The following HMCN2 variants were observed in gnomAD, a reference collection of about 807,000 sequenced individuals.
HMCN2 encodes the protein hemicentin-2.
HMCN2 carries 325 observed loss-of-function variants against 377.5 expected under a neutral mutation model. That is an observed-to-expected ratio of 0.86 (90% CI 0.79 to 0.94). HMCN2 has a LOEUF of 0.94. Among genes scored for constraint, HMCN2 ranks in the 40% least tolerant of loss-of-function variants. The pLI is 0.00. For missense variants in HMCN2, 4,543 were observed against 4,725.3 expected, an observed-to-expected ratio of 0.96 and a Z score of 1.13; for synonymous variants, 2,007 against 2,046.8, an observed-to-expected ratio of 0.98 and a Z score of 0.53.
chr9:130,432,292 A>G, intron 96 of HMCN2, 137 bp from the exon 97 acceptor site: 2 of 777,158 alleles, frequency 2.6e-6, no homozygotes, highest in South Asian at 3.4e-5. Context: ...GTCATGGGTC[A>G]GACTGGCTGG....
Position 130,369,482 on chromosome 9 carries a change from G to C in HMCN2, c.6788-88G>C, listed in dbSNP as rs977352159. 117 of 735,130 alleles carry C rather than the reference G, an allele frequency of 1.6e-4. No homozygotes were observed. Among genetic ancestry groups the C allele is most frequent in the Non-Finnish European group, 1.8e-4 (110 of 601,238 alleles). 45.5% of individuals were successfully genotyped at this position (735,130 alleles called of 1,614,324 possible). A position where few individuals can be genotyped will look rare whatever the true frequency, so the allele number is the denominator to read the frequency against. On this transcript the variant is annotated intron_variant, in intron 44 of 97. Transcript: ENST00000683500. The surrounding 1 kb of genome is among the most constrained non-coding windows in gnomAD (Gnocchi z 4.5). ...ACAGCCAGCGATGGCAAGGGGAGAG[G>C]GTGTGTCCCTATTGGGCCCGGGGTA...
At chr9:130,390,943 G>A (rs1309502982) in intron 62 of HMCN2, 34 bp from the exon 63 acceptor site, 2 of 985,874 alleles carry the variant, frequency 2.0e-6, no homozygotes, top group African/African-American at 3.5e-5. Flanking sequence ...ACAAGAAGGG[G>A]CTGGGGGATT....
chr9:130,357,597 G>A (rs565526899), intron 34 of HMCN2, among the ~76,000 whole-genome samples: 3 of 152,152 alleles, frequency 2.0e-5, no homozygotes, highest in African/African-American at 7.2e-5. Flanking sequence ...AGATGCATGG[G>A]TGCACAGATG....
Position 130,400,814 on chromosome 9 carries a change from C to T in HMCN2, c.11637C>T (p.Asp3879=), listed in dbSNP as rs905446536. 40 of 1,288,918 alleles carry T rather than the reference C, an allele frequency of 3.1e-5. No individual in the cohort carries two copies. The highest frequency in any genetic ancestry group is 3.6e-5 in the Non-Finnish European group (36 of 988,542). The allele number at this position is 1,288,918 out of a possible 1,614,324, so 79.8% of individuals were successfully genotyped here. ...VPPTIADDQT[D]FTVTMMAPVV... ...CCACCATTGCCGATGACCAGACAGA[C>T]TTCACCGTGACCATGATGGCACCTG... The change falls in exon 77 of 98, where the codon GAC becomes GAT. Residue 3879 remains aspartate (D), a synonymous_variant. Coordinates refer to ENST00000683500, the MANE Select transcript of HMCN2 (RefSeq NM_001291815.2).
chr9:130,279,852 G>A (rs1835015084), intron 1 of HMCN2, among the ~76,000 whole-genome samples: 2 of 152,224 alleles, frequency 1.3e-5, no homozygotes, highest in Admixed American at 1.3e-4. Flanking sequence ...CAAAGTCACG[G>A]CTCTTGAGAA....
chr9:130,278,051 TTACCAC>T (rs1440352135), intron 1 of HMCN2, among the ~76,000 whole-genome samples: 1 of 101,718 alleles, frequency 9.8e-6, no homozygotes. Flanking sequence ...ACCATCATCA[TTACCAC>T]CACCACCACC....
In HMCN2 at chr9:130,360,310, C is replaced by CCTTGCTTCTCTCTTCCATTCCCT. The variant is rs1564815614; in HGVS notation, c.5774-113_5774-112insTTCTCTCTTCCATTCCCTCTTGC. 1 of 576,782 alleles carries CCTTGCTTCTCTCTTCCATTCCCT rather than the reference C, an allele frequency of 1.7e-6. No individual in the cohort carries two copies. Among genetic ancestry groups the CCTTGCTTCTCTCTTCCATTCCCT allele is most frequent in the African/African-American group, 2.7e-5 (1 of 37,474 alleles). The allele number at this position is 576,782 out of a possible 1,614,324, so 35.7% of individuals were successfully genotyped here. On this transcript the variant is annotated intron_variant, in intron 37 of 97. Coordinates refer to ENST00000683500, the MANE Select transcript of HMCN2 (RefSeq NM_001291815.2). This position sits in a 1 kb window ranked among gnomAD's most constrained non-coding sequence, Gnocchi z 4.7. ...ACCCTTGCTTCTCTCTTCCATTCCC[C>CCTTGCTTCTCTCTTCCATTCCCT]CTTGCATCTCTCTTCCTTTCCCCCT...
intron 1 of HMCN2, among the ~76,000 whole-genome samples, chr9:130,271,522 T>C (rs1351024591): frequency 2.0e-5 from 3 of 149,386 alleles, no homozygotes; most frequent in East Asian, 1.9e-4. Flanking sequence ...ACTGTGGTCA[T>C]CGGGAGCTCG....
At position 130,393,322 on chromosome 9, in the gene HMCN2, G is replaced by A. The variant is rs551511976; in HGVS notation, c.10234+13G>A. Reference sequence around the variant, plus strand: ...TTGCAGGTGCAGGGTATGGAGCAGGGGGTGGGGCAAGGGGGTCTCTGGCCT... The same window carrying A: ...TTGCAGGTGCAGGGTATGGAGCAGGAGGTGGGGCAAGGGGGTCTCTGGCCT... On this transcript the variant is annotated intron_variant, in intron 67 of 97. Transcript: ENST00000683500. This position sits in a 1 kb window ranked among gnomAD's most constrained non-coding sequence, Gnocchi z 5.2. 12 of 990,840 alleles carry A rather than the reference G, an allele frequency of 1.2e-5. 1 individual carries two copies. The African/African-American group carries it at 1.6e-4, about 13-fold the overall frequency. 61.4% of individuals were successfully genotyped at this position (990,840 alleles called of 1,614,324 possible).
At chr9:130,429,225 C>T (rs532581714) in intron 93 of HMCN2, 1 of 321,028 alleles carries the variant, frequency 3.1e-6, no homozygotes, top group Admixed American at 4.6e-5. Flanking sequence ...GAAGAGGTCA[C>T]ATCTTTACCC....
Position 130,350,735 on chromosome 9 carries a change from AT to A in HMCN2, c.4431-687del, listed in dbSNP as rs541910838. Among the ~76,000 whole-genome samples the A allele has an allele frequency of 3.8e-3, 383 of 100,322 alleles. 1 individual carries two copies. Among genetic ancestry groups the A allele is most frequent in the Non-Finnish European group, 6.6e-3 (292 of 44,348 alleles). 65.8% of individuals were successfully genotyped at this position (100,322 alleles called of 152,430 possible). The stretch of plus-strand genomic sequence containing the variant: ...CCTCGTCTCTACTAAAAATACAAAA[AT>A]ATATATATATATATACGGGCATGGT... On this transcript the variant is annotated intron_variant, in intron 29 of 97. Coordinates refer to ENST00000683500, the MANE Select transcript of HMCN2 (RefSeq NM_001291815.2).
At chr9:130,278,771 G>A (rs1554924481) in intron 1 of HMCN2, among the ~76,000 whole-genome samples, 2 of 151,174 alleles carry the variant, frequency 1.3e-5, no homozygotes, top group African/African-American at 4.9e-5. Flanking sequence ...AGTAGAGACG[G>A]GGTTTCTCCA....
chr9:130,286,550 T>C (rs1333984752), intron 4 of HMCN2, among the ~76,000 whole-genome samples: 2 of 152,222 alleles, frequency 1.3e-5, no homozygotes, highest in African/African-American at 4.8e-5. Flanking sequence ...GGCAGGTGCT[T>C]CCGTGTTTCC....
Position 130,362,264 on chromosome 9 carries a change from A to C in HMCN2, c.6108+99A>C, listed in dbSNP as rs961296323. The stretch of plus-strand genomic sequence containing the variant: ...TGGGAACTTAGGGTGAGGGAGAAGC[A>C]GCGATAGCCCAGGGCCGAGGGCTAG... On this transcript the variant is annotated intron_variant, in intron 39 of 97. Transcript: ENST00000683500. 25 of 835,872 alleles carry C rather than the reference A, an allele frequency of 3.0e-5. No homozygotes were observed. In the Admixed American group the frequency reaches 5.6e-4, roughly 19 times the overall value. The allele number at this position is 835,872 out of a possible 1,614,324, so 51.8% of individuals were successfully genotyped here.
At chr9:130,282,225 TTGCTGAGCCTTTGCTCCA>T (rs373784118) in intron 1 of HMCN2, among the ~76,000 whole-genome samples, 142 of 152,284 alleles carry the variant, frequency 9.3e-4, no homozygotes, top group African/African-American at 3.3e-3. Context: ...CTCTTCCCAT[TTGCTGAGCCTTTGCTCCA>T]TGCCAAGCTG....
At position 130,414,588 on chromosome 9, in the gene HMCN2, C is replaced by T. The variant is rs1466066591; in HGVS notation, c.12961+3936C>T. ...ACAACAGATGCCTACTGAGATAGTA[C>T]AGATATCAGGTAATCTGATAAGGAC... On this transcript the variant is annotated intron_variant, in intron 85 of 97. Transcript: ENST00000683500. The surrounding 1 kb of genome is among the most constrained non-coding windows in gnomAD (Gnocchi z 4.4). 6.6e-6 allele frequency among the ~76,000 whole-genome samples: 1 copy of T among 150,788 alleles called. No homozygotes were observed. Among genetic ancestry groups the T allele is most frequent in the Non-Finnish European group, 1.5e-5 (1 of 67,856 alleles).
rs1554936586 is a variant in HMCN2 at position 130,306,120 on chromosome 9, G to C, written c.1817-9G>C. 4.2e-6 allele frequency: 2 copies of C among 470,812 alleles called. No individual in the cohort carries two copies. The highest frequency in any genetic ancestry group is 4.4e-6 in the Non-Finnish European group (1 of 226,892). The allele number at this position is 470,812 out of a possible 1,614,324, so 29.2% of individuals were successfully genotyped here. ...GCTCATCCTCGCCTATCCACTTTTT[G>C]GGTCACAGAGGCCCCACAGGTCAGC... On this transcript the variant is annotated splice_polypyrimidine_tract_variant and intron_variant, in intron 11 of 97. Coordinates refer to ENST00000683500, the MANE Select transcript of HMCN2 (RefSeq NM_001291815.2).
intron 32 of HMCN2, 52 bp downstream of exon 32, chr9:130,355,096 AG>A: frequency 8.3e-7 from 1 of 1,210,748 alleles, no homozygotes; most frequent in South Asian, 1.4e-5. Context: ...ACGTCTGCCC[AG>A]GCCTGCTGCG....
chr9:130,345,636 G>C lies in HMCN2; in HGVS notation c.3830-1530G>C, dbSNP rs1421404682. On this transcript the variant is annotated intron_variant, in intron 25 of 97. Transcript: ENST00000683500. Reference sequence around the variant, plus strand: ...GTGTGTGGTGTGTGTATCGTGTTGTGTGTGTGTGGTGTGTATCCCCACAGT... The same window carrying C: ...GTGTGTGGTGTGTGTATCGTGTTGTCTGTGTGTGGTGTGTATCCCCACAGT... Among the ~76,000 whole-genome samples the C allele has an allele frequency of 7.3e-5, 11 of 151,166 alleles. No homozygotes were observed. In the South Asian group the frequency reaches 8.3e-4, roughly 11 times the overall value.
Sources: allele counts gnomAD v4.1 joint callset (sites outside exome capture counted in the v4.1 genomes callset), GRCh38; gene constraint gnomAD v4.1.1; non-coding constraint Gnocchi (gnomAD v3.1); transcripts MANE v1.5; gene names NCBI Gene and HGNC (gene_info 2026-07-23, HGNC 2026-07-21).